Variants in DHX40 observed in about 807,000 individuals in gnomAD.
The protein encoded by DHX40 is probable ATP-dependent RNA helicase DHX40.
A neutral mutation model predicts 89.6 loss-of-function variants in DHX40; 28 were observed. The observed-to-expected ratio is 0.31, with a 90% CI of 0.23 to 0.43. The LOEUF is 0.43. DHX40 is among the 20% of genes least tolerant of loss of function. The pLI is 1.00. For synonymous variants in DHX40, 226 were observed against 283.6 expected, an observed-to-expected ratio of 0.80 and a Z score of 2.04; for missense variants, 457 against 844.0, an observed-to-expected ratio of 0.54 and a Z score of 5.68.
At chr17:59,596,002 C>T (rs937515408) in intron 12 of DHX40, among the ~76,000 whole-genome samples, 1 of 152,018 alleles carries the variant, frequency 6.6e-6, no homozygotes, top group Non-Finnish European at 1.5e-5. Context: ...AATTCCTGTT[C>T]CAGTACTAGT....
chr17:59,587,732 A>G (rs1446217478), intron 11 of DHX40, among the ~76,000 whole-genome samples, 164 bp from the exon 12 acceptor site: 5 of 152,114 alleles, frequency 3.3e-5, no homozygotes, highest in African/African-American at 7.2e-5. Context: ...TGCTAGGATT[A>G]CAGGCATGAG....
chr17:59,600,104 A>T (rs2030395432), intron 14 of DHX40, among the ~76,000 whole-genome samples: 1 of 152,088 alleles, frequency 6.6e-6, no homozygotes, highest in Admixed American at 6.5e-5. Flanking sequence ...AATTACAGGC[A>T]TGAGCCACTG....
chr17:59,568,003 G>A (rs891520065), intron 2 of DHX40, among the ~76,000 whole-genome samples: 6 of 152,036 alleles, frequency 3.9e-5, no homozygotes, highest in Non-Finnish European at 7.4e-5. Context: ...GGGAGGCCAG[G>A]GCAGGTGGAT....
chr17:59,589,468 G>A (rs1323739936), intron 12 of DHX40, among the ~76,000 whole-genome samples: 3 of 145,364 alleles, frequency 2.1e-5, no homozygotes, highest in African/African-American at 2.5e-5. Context: ...TGATCCACCC[G>A]CCTCAGCCTC....
chr17:59,602,523 A>G lies in DHX40; in HGVS notation c.1808A>G (p.Gln603Arg), dbSNP rs1328070464. ...ACTCTCTACATATTCTTTTTATAGC[A>G]AAGTGATTTCCCAAAAGAGACCTTT... ...LRELIRKLKQ[Q>R]SDFPKETFEG... Residue 603 changes from glutamine to arginine, a missense_variant and splice_region_variant, in exon 15 of 18, where the codon CAA (glutamine) becomes CGA (arginine). Gln to Arg is a conservative substitution (Grantham distance 43). This residue lies in a region of DHX40 where 32 missense variants were observed against 60.0 expected (regional missense o/e 0.53). Coordinates refer to ENST00000251241, the MANE Select transcript of DHX40 (RefSeq NM_024612.5). The G allele has an allele frequency of 3.7e-6, 6 of 1,611,002 alleles. No individual in the cohort carries two copies. The highest frequency in any genetic ancestry group is 5.1e-6 in the Non-Finnish European group (6 of 1,178,030).
chr17:59,586,325 A>G (rs963089213), intron 11 of DHX40, 92 bp downstream of exon 11: 4 of 1,058,300 alleles, frequency 3.8e-6, no homozygotes, highest in Non-Finnish European at 5.5e-6. Flanking sequence ...GTAGAAAATA[A>G]TTTCTTTAAA....
intron 8 of DHX40, among the ~76,000 whole-genome samples, 156 bp downstream of exon 8, chr17:59,577,521 A>G (rs2048902148): frequency 6.6e-6 from 1 of 151,430 alleles, no homozygotes. Flanking sequence ...TTGTTTTGTA[A>G]TTATTGATTG....
intron 2 of DHX40, 111 bp from the exon 3 acceptor site, chr17:59,570,407 T>C: frequency 9.6e-7 from 1 of 1,041,202 alleles, no homozygotes; most frequent in Non-Finnish European, 1.3e-6. Flanking sequence ...TTGCGAGATA[T>C]TCTTTTGGAA....
intron 3 of DHX40, among the ~76,000 whole-genome samples, chr17:59,571,152 G>A (rs1355411353): frequency 6.6e-6 from 1 of 152,014 alleles, no homozygotes. Context: ...ATACAATTCA[G>A]TGCCATTAAG....
At chr17:59,588,118 C>T in intron 12 of DHX40, 65 bp downstream of exon 12, 18 of 1,587,052 alleles carry the variant, frequency 1.1e-5, no homozygotes, top group Admixed American at 3.4e-5. Context: ...CGGTGGCTCA[C>T]GCCTGTAATC....
chr17:59,581,036 C>T (rs1419323743), intron 10 of DHX40, among the ~76,000 whole-genome samples: 1 of 149,888 alleles, frequency 6.7e-6, no homozygotes, highest in Non-Finnish European at 1.5e-5. Flanking sequence ...GTGCCAAGAT[C>T]ACACCACTGC....
At chr17:59,593,826 G>A (rs2049114224) in intron 12 of DHX40, among the ~76,000 whole-genome samples, 2 of 151,260 alleles carry the variant, frequency 1.3e-5, no homozygotes, top group South Asian at 4.2e-4. Context: ...TTTAATTCGT[G>A]GATTCTTTCT....
intron 12 of DHX40, among the ~76,000 whole-genome samples, chr17:59,594,813 C>T (rs1371449019): frequency 6.6e-6 from 1 of 151,804 alleles, no homozygotes; most frequent in Non-Finnish European, 1.5e-5. Context: ...CTTGAAGGCT[C>T]TCGCATAGCC....
chr17:59,587,218 C>T (rs1054008903), intron 11 of DHX40, among the ~76,000 whole-genome samples: 1 of 120,488 alleles, frequency 8.3e-6, no homozygotes, highest in African/African-American at 4.5e-5. Flanking sequence ...TCTTCAAAGA[C>T]ATCTTCTTTT....
At chr17:59,570,398 T>G in intron 2 of DHX40, 120 bp from the exon 3 acceptor site, 2 of 897,226 alleles carry the variant, frequency 2.2e-6, no homozygotes, top group Non-Finnish European at 3.1e-6. Flanking sequence ...GTTTTTAATT[T>G]GCGAGATATT....
intron 2 of DHX40, among the ~76,000 whole-genome samples, chr17:59,569,925 T>A (rs2048768872): frequency 1.4e-5 from 2 of 144,340 alleles, no homozygotes; most frequent in Non-Finnish European, 3.0e-5. Flanking sequence ...ATGCCTGTTA[T>A]CCCAGCTACT....
intron 11 of DHX40, among the ~76,000 whole-genome samples, chr17:59,586,491 T>C (rs1203462468): frequency 6.6e-6 from 1 of 151,408 alleles, no homozygotes; most frequent in Non-Finnish European, 1.5e-5. Context: ...TGAAGCCCCG[T>C]CTCTACTAAA....
rs1374292109 is a variant in DHX40, at chr17:59,605,637, G to A, written c.2163G>A (p.Arg721=). Reference sequence around the variant, plus strand: ...GTGAAGTGAGAGAAGATGCAAGAAGGAGATGGACAAATAAGGAAAATGTAA... The same window carrying A: ...GTGAAGTGAGAGAAGATGCAAGAAGAAGATGGACAAATAAGGAAAATGTAA... ...ARREVREDAR[R]RWTNKENVKQ... is the part of the protein sequence containing the mutation. The change falls in exon 17 of 18, where the codon AGG becomes AGA. Residue 721 remains arginine (R), a synonymous_variant. Transcript: ENST00000251241. 1 of 1,613,724 alleles carries A rather than the reference G, an allele frequency of 6.2e-7. No homozygotes were observed. The highest frequency in any genetic ancestry group is 8.5e-7 in the Non-Finnish European group (1 of 1,179,910).
Position 59,593,747 on chromosome 17 carries a change from G to T in DHX40, c.1583-4990G>T, listed in dbSNP as rs28588217. ...TCCGCCCACCTTGGCCTCCCAAAGT[G>T]CTGGGATTACAGGAGTGAGCCACCA... On this transcript the variant is annotated intron_variant, in intron 12 of 17. Coordinates refer to ENST00000251241, the MANE Select transcript of DHX40 (RefSeq NM_024612.5). 5.6e-3 allele frequency among the ~76,000 whole-genome samples: 826 copies of T among 146,656 alleles called. 4 individuals are homozygous for T. Among genetic ancestry groups the T allele is most frequent in the African/African-American group, 0.011 (426 of 39,718 alleles).
Sources: gnomAD v4.1 joint callset for allele counts (sites outside exome capture counted in the v4.1 genomes callset) on GRCh38, gnomAD v4.1.1 for gene constraint, gnomAD v4.1.1 regional missense constraint, MANE v1.5 for transcripts, NCBI Gene and HGNC (gene_info 2026-07-23, HGNC 2026-07-21) for gene names.